SERINC3: variants seen among roughly 807,000 people sequenced by gnomAD.
SERINC3 encodes tumor differentially expressed protein 1.
SERINC3 carries 22 observed loss-of-function variants against 52.1 expected under a neutral mutation model. That is an observed-to-expected ratio of 0.42 (90% CI 0.30 to 0.60). The LOEUF (loss-of-function observed/expected upper bound fraction) is 0.60. Ranked by LOEUF, SERINC3 falls within the 20% of genes least tolerant of loss-of-function variation. The pLI is 0.16. For missense variants in SERINC3, 564 were observed against 584.6 expected (o/e 0.96, Z 0.36); for synonymous variants, 226 against 212.7 (o/e 1.06, Z -0.54).
chr20:44,517,736 T>C (rs973681109), intron 1 of SERINC3, among the ~76,000 whole-genome samples: 7 of 152,216 alleles, frequency 4.6e-5, no homozygotes, highest in Non-Finnish European at 8.8e-5. Context: ...CGGTCTGTGG[T>C]ACTTTGTTAT....
chr20:44,503,464 A>G (rs1360857232), intron 8 of SERINC3, among the ~76,000 whole-genome samples: 2 of 152,220 alleles, frequency 1.3e-5, no homozygotes, highest in Non-Finnish European at 2.9e-5. Context: ...CCTAGCCAAC[A>G]TGGTGAAACA....
chr20:44,509,926 C>T lies in SERINC3; in HGVS notation c.578G>A (p.Arg193Gln), dbSNP rs746164211. 32 of 1,614,000 alleles carry T rather than the reference C, an allele frequency of 2.0e-5. No homozygotes were observed. The highest frequency in any genetic ancestry group is 4.5e-5 in the East Asian group (2 of 44,896). Residue 193 changes from arginine to glutamine, a missense_variant, in exon 5 of 10, where the codon CGA (arginine) becomes CAA (glutamine). By Grantham distance (43) the Arg-to-Gln change is conservative. Coordinates refer to ENST00000342374, the MANE Select transcript of SERINC3 (RefSeq NM_006811.4). ...CAACCTTGGGTTTCCTTCTTCCATT[C>T]GATTTACCCATGATTCATTCCAAGA... ...AHSWNESWVN[R>Q]MEEGNPRLWY...
chr20:44,519,593 T>A (rs1468347505), intron 1 of SERINC3, among the ~76,000 whole-genome samples: 1 of 152,184 alleles, frequency 6.6e-6, no homozygotes, highest in Admixed American at 6.5e-5. Context: ...AACACTCTTT[T>A]GATTTAGGAC....
intron 6 of SERINC3, among the ~76,000 whole-genome samples, chr20:44,506,584 CAAAAAAAAAAA>C (rs1191331026): frequency 2.8e-4 from 4 of 14,262 alleles, no homozygotes; most frequent in Admixed American, 2.8e-3. Context: ...GACTCCATCT[CAAAAAAAAAAA>C]AAAAAAAAAA....
At chr20:44,519,472 TTG>T in intron 1 of SERINC3, 3 of 714,358 alleles carry the variant, frequency 4.2e-6, no homozygotes, top group Non-Finnish European at 5.1e-6. Context: ...TCATAAAACT[TTG>T]TCTCTATATG....
chr20:44,497,102 A>G (rs755589712), downstream of SERINC3, among the ~76,000 whole-genome samples: 2 of 152,216 alleles, frequency 1.3e-5, no homozygotes, highest in Non-Finnish European at 2.9e-5. Context: ...TCTGAAAGCC[A>G]GGGCCCCAAC....
At chr20:44,500,549 ACCCC>A in intron 9 of SERINC3, 115 bp from the exon 10 acceptor site, 2 of 1,166,048 alleles carry the variant, frequency 1.7e-6, no homozygotes, top group South Asian at 1.3e-5. Context: ...GGCTGGCACT[ACCCC>A]CCAGTAGGGT....
In SERINC3 at chr20:44,503,821, T is replaced by A. The variant is rs775360371; in HGVS notation, c.1049A>T (p.Tyr350Phe). ...GLFVFVLCLL[Y>F]SSIRTSTNSQ... is the part of the protein sequence containing the mutation. ...TAAGTACCTTTTAACTTACCTAGAA[T>A]ACAAGAGGCAGAGAACAAAGACAAA... The change falls in exon 8 of 10, where the codon TAT (tyrosine) becomes TTT (phenylalanine). Residue 350 changes from tyrosine to phenylalanine, a missense_variant. Physicochemically the swap from Tyr to Phe is conservative, Grantham distance 22. Transcript: ENST00000342374. 1 of 1,546,852 alleles carries A rather than the reference T, an allele frequency of 6.5e-7. No individual in the cohort carries two copies. The highest frequency in any genetic ancestry group is 8.7e-7 in the Non-Finnish European group (1 of 1,155,810).
rs1406318116 is a variant in SERINC3, at chr20:44,509,961, A to G, written c.543T>C (p.Asp181=). The G allele has an allele frequency of 1.2e-6, 2 of 1,614,136 alleles. No homozygotes were observed. Among genetic ancestry groups the G allele is most frequent in the Non-Finnish European group, 1.7e-6 (2 of 1,179,972 alleles). ...FILIQLVLLV[D]FAHSWNESWV... is the part of the protein sequence containing the mutation. ...ATGATTCATTCCAAGAATGAGCAAAATCTACCAGCAGCACCAGCTGAATGA... is the reference window on the plus strand; with the variant it reads ...ATGATTCATTCCAAGAATGAGCAAAGTCTACCAGCAGCACCAGCTGAATGA... Residue 181 remains aspartate, a synonymous_variant, in exon 5 of 10, where the codon GAT becomes GAC. Coordinates refer to ENST00000342374, the MANE Select transcript of SERINC3 (RefSeq NM_006811.4).
rs1323175146 is a variant in SERINC3 at position 44,515,657 on chromosome 20, AT to A, written c.40-1618del. ...ACTAAATGCCACTATACGCTTTTTT[AT>A]TTTTTTTTTTTTGAGACAGTCTCAC... is the stretch of plus-strand genomic sequence containing the variant. On this transcript the variant is annotated intron_variant, in intron 1 of 9. Coordinates refer to ENST00000342374, the MANE Select transcript of SERINC3 (RefSeq NM_006811.4). Among the ~76,000 whole-genome samples, 236 of 142,622 alleles carry A rather than the reference AT, an allele frequency of 1.7e-3. 1 individual carries two copies. Among genetic ancestry groups the A allele is most frequent in the African/African-American group, 2.1e-3 (82 of 39,206 alleles). The allele number at this position is 142,622 out of a possible 152,430, so 93.6% of individuals were successfully genotyped here. A position where few individuals can be genotyped will look rare whatever the true frequency, so the allele number is the denominator to read the frequency against.
chr20:44,501,391 G>A, intron 8 of SERINC3, 91 bp from the exon 9 acceptor site: 2 of 1,028,678 alleles, frequency 1.9e-6, no homozygotes, highest in Admixed American at 3.8e-5. Context: ...TTACTGCTGA[G>A]CTGTTCCTAC....
intron 1 of SERINC3, among the ~76,000 whole-genome samples, chr20:44,515,032 T>C (rs1248408370): frequency 6.6e-6 from 1 of 152,168 alleles, no homozygotes; most frequent in Non-Finnish European, 1.5e-5. Flanking sequence ...GTCCATTAAT[T>C]GATAAGTAAA....
At chr20:44,513,161 A>G (rs567431273) in intron 2 of SERINC3, among the ~76,000 whole-genome samples, 167 bp from the exon 3 acceptor site, 1 of 152,274 alleles carries the variant, frequency 6.6e-6, no homozygotes, top group South Asian at 2.1e-4. Context: ...TTGTTACCAA[A>G]CAGTATAAAT....
chr20:44,517,514 G>T (rs777140082), intron 1 of SERINC3, among the ~76,000 whole-genome samples: 32 of 151,984 alleles, frequency 2.1e-4, no homozygotes, highest in Non-Finnish European at 4.3e-4. Flanking sequence ...TTACAACACA[G>T]GGAGAATTCC....
rs146419306 is a variant in SERINC3 at position 44,502,522 on chromosome 20, G to A, written c.1056-1222C>T. On this transcript the variant is annotated intron_variant, in intron 8 of 9. Coordinates refer to ENST00000342374, the MANE Select transcript of SERINC3 (RefSeq NM_006811.4). ...CACTTGAGACCAGGAGCTTGAGGCT[G>A]TAGTGAGCTATGATCACACCACTGC... 2.8e-4 allele frequency among the ~76,000 whole-genome samples: 41 copies of A among 148,544 alleles called. 1 individual carries two copies. The East Asian group carries it at 8.0e-3, about 29-fold the overall frequency.
In SERINC3 at chr20:44,501,167, C is replaced by T. The variant is rs764250076; in HGVS notation, c.1189G>A (p.Glu397Lys). 2.0e-5 allele frequency: 32 copies of T among 1,614,020 alleles called. No individual in the cohort carries two copies. In the Admixed American group the frequency reaches 2.5e-4, roughly 13 times the overall value. ...TAGCTATACTGCACTCCCTCTTTCT[C>T]GTTGTCCACAGCCCGCCGAGGCTGT... is the stretch of plus-strand genomic sequence containing the variant. The part of the protein sequence containing the change: ...DGQPRRAVDN[E>K]KEGVQYSYSL... The change falls in exon 9 of 10, where the codon GAG (glutamate) becomes AAG (lysine). Residue 397 changes from glutamate to lysine, a missense_variant. Coordinates refer to ENST00000342374, the MANE Select transcript of SERINC3 (RefSeq NM_006811.4).
chr20:44,501,456 GTCA>G (rs2064279508), intron 8 of SERINC3, among the ~76,000 whole-genome samples, 156 bp from the exon 9 acceptor site: 2 of 152,168 alleles, frequency 1.3e-5, no homozygotes, highest in African/African-American at 4.8e-5. Flanking sequence ...ACTGCTGCCT[GTCA>G]TCATAAGACT....
chr20:44,518,318 CAAAAA>C (rs3091899), intron 1 of SERINC3, among the ~76,000 whole-genome samples: 6 of 87,532 alleles, frequency 6.9e-5, no homozygotes, highest in Non-Finnish European at 9.1e-5. Context: ...AAATTAGCCT[CAAAAA>C]AAAAAAAAAA....
At chr20:44,518,590 T>C (rs947965297) in intron 1 of SERINC3, among the ~76,000 whole-genome samples, 1 of 152,126 alleles carries the variant, frequency 6.6e-6, no homozygotes. Context: ...TTTATTCTCC[T>C]AAAAAAACTT....
Sources: gnomAD v4.1 joint callset for allele counts (sites outside exome capture counted in the v4.1 genomes callset) on GRCh38, gnomAD v4.1.1 for gene constraint, MANE v1.5 for transcripts, NCBI Gene and HGNC (gene_info 2026-07-23, HGNC 2026-07-21) for gene names.